BORCS7: variants seen among roughly 807,000 people sequenced by gnomAD.
BORCS7 encodes BLOC-1-related complex subunit 7.
BORCS7 carries 20 observed loss-of-function variants against 17.5 expected under a neutral mutation model. The observed-to-expected ratio is 1.14, with a 90% CI of 0.80 to 1.66. The LOEUF (loss-of-function observed/expected upper bound fraction) is 1.66, where lower values mean the gene tolerates loss of function less well. Among genes scored for constraint, BORCS7 ranks in the 40% most tolerant of loss-of-function variants. The pLI, the probability that BORCS7 is intolerant of heterozygous loss-of-function variation, is 0.00. For missense variants in BORCS7, 122 were observed against 129.7 expected (o/e 0.94, Z 0.29); for synonymous variants, 57 against 49.8 (o/e 1.14, Z -0.61).
chr10:102,860,854 T>C, intron 3 of BORCS7: 1 of 450,326 alleles, frequency 2.2e-6, no homozygotes. Flanking sequence ...ACTTGGCACC[T>C]GTGAGGCCGT....
intron 1 of BORCS7, among the ~76,000 whole-genome samples, chr10:102,857,099 C>T (rs1421552483): frequency 6.6e-6 from 1 of 152,136 alleles, no homozygotes; most frequent in Non-Finnish European, 1.5e-5. Flanking sequence ...TTTTAAGTCT[C>T]AGATTAGAAG....
intron 1 of BORCS7, among the ~76,000 whole-genome samples, chr10:102,858,794 A>T (rs1844468351): frequency 6.6e-6 from 1 of 152,190 alleles, no homozygotes; most frequent in African/African-American, 2.4e-5. Context: ...AACTTTAAAT[A>T]AAGTTGCCCT....
intron 1 of BORCS7, among the ~76,000 whole-genome samples, chr10:102,860,015 A>C (rs1293900621): frequency 7.9e-5 from 12 of 152,192 alleles, no homozygotes; most frequent in Admixed American, 7.9e-4. Context: ...TTGTGGAGCC[A>C]AAGTTTTTTT....
intron 1 of BORCS7, among the ~76,000 whole-genome samples, chr10:102,859,570 C>CT (rs570995629): frequency 0.1 from 14,129 of 136,412 alleles, 886 homozygotes; most frequent in East Asian, 0.26. Flanking sequence ...TTTTTTTTTT[C>CT]TTTTTTTTTT....
Position 102,863,555 on chromosome 10 carries a change from C to G in BORCS7, c.*631C>G, listed in dbSNP as rs1844553416. ...TTTAATATGTCAAAAGCTATATTGT[C>G]TAAATTTCAGTACTTAAGCAAATAC... On this transcript the variant is annotated 3_prime_UTR_variant, in exon 5 of 5. Transcript: ENST00000339834. 6.6e-6 allele frequency: 1 copy of G among 152,044 alleles called. No individual in the cohort carries two copies. Among genetic ancestry groups the G allele is most frequent in the Non-Finnish European group, 1.5e-5 (1 of 68,024 alleles). 9.4% of individuals were successfully genotyped at this position (152,044 alleles called of 1,614,324 possible).
rs772822661 is a variant in BORCS7, at chr10:102,854,343, G to A, written c.57G>A (p.Gly19=). The A allele has an allele frequency of 1.3e-6, 2 of 1,594,602 alleles. No individual in the cohort carries two copies. Among genetic ancestry groups the A allele is most frequent in the Non-Finnish European group, 1.7e-6 (2 of 1,170,318 alleles). Residue 19 remains glycine (G), a synonymous_variant, in exon 1 of 5, where the codon GGG becomes GGA. Coordinates refer to ENST00000339834, the MANE Select transcript of BORCS7 (RefSeq NM_001136200.2). ...CGCGGTTCGGTCAGTCCGTGAAGGG[G>A]CTTCTCACGGAGAAGGTGACCACCT... is the stretch of plus-strand genomic sequence containing the variant. ...SQARFGQSVK[G]LLTEKVTTCG...
intron 1 of BORCS7, among the ~76,000 whole-genome samples, chr10:102,856,517 T>A (rs979601571): frequency 6.6e-6 from 1 of 152,214 alleles, no homozygotes; most frequent in Non-Finnish European, 1.5e-5. Context: ...AAAAGAGGGT[T>A]GCTATTGCTA....
chr10:102,855,429 TA>T (rs1844410943), intron 1 of BORCS7, among the ~76,000 whole-genome samples: 5 of 152,166 alleles, frequency 3.3e-5, no homozygotes, highest in Admixed American at 3.3e-4. Context: ...GTGCTGGGAT[TA>T]CAGGCGTGAG....
At chr10:102,861,726 A>C (rs530271154) in intron 3 of BORCS7, among the ~76,000 whole-genome samples, 5 of 151,358 alleles carry the variant, frequency 3.3e-5, no homozygotes, top group Non-Finnish European at 5.9e-5. Flanking sequence ...TCAAAAAAAA[A>C]ACAAAAAAAC....
chr10:102,857,462 C>T (rs1443841424), intron 1 of BORCS7, among the ~76,000 whole-genome samples: 1 of 152,126 alleles, frequency 6.6e-6, no homozygotes, highest in African/African-American at 2.4e-5. Flanking sequence ...CAGGTACTCT[C>T]ATAATTGTTG....
chr10:102,862,972 G>GTAAA lies in BORCS7; in HGVS notation c.*51_*54dup. The GTAAA allele has an allele frequency of 7.0e-7, 1 of 1,437,290 alleles. No homozygotes were observed. The allele number at this position is 1,437,290 out of a possible 1,614,324, so 89.0% of individuals were successfully genotyped here. ...GGACTCCTTTGCCTAATGCTGAGGAGTAAATACCTTACACAGCTGTCCTCT... is the reference window on the plus strand; with the variant it reads ...GGACTCCTTTGCCTAATGCTGAGGAGTAAATAAATACCTTACACAGCTGTCCTCT... On this transcript the variant is annotated 3_prime_UTR_variant, in exon 5 of 5. Coordinates refer to ENST00000339834, the MANE Select transcript of BORCS7 (RefSeq NM_001136200.2).
At chr10:102,856,212 T>C (rs946973945) in intron 1 of BORCS7, among the ~76,000 whole-genome samples, 1 of 152,064 alleles carries the variant, frequency 6.6e-6, no homozygotes, top group African/African-American at 2.4e-5. Flanking sequence ...CCTCCTCCAT[T>C]TGAGTTGTGT....
chr10:102,862,902 A>C lies in BORCS7; in HGVS notation c.299A>C (p.Gln100Pro). The change falls in exon 5 of 5, where the codon CAG (glutamine) becomes CCG (proline). Residue 100 changes from glutamine to proline, a missense_variant. Transcript: ENST00000339834. ...NVEQSSDLQD[Q>P]LNHLLK ...GAACAGTCATCGGATCTACAGGACC[A>C]GTTGAATCATCTGTTGAAATAGAAT... The C allele has an allele frequency of 6.2e-7, 1 of 1,611,172 alleles. No homozygotes were observed. The highest frequency in any genetic ancestry group is 8.5e-7 in the Non-Finnish European group (1 of 1,177,226).
At chr10:102,861,553 C>T (rs1428951749) in intron 3 of BORCS7, among the ~76,000 whole-genome samples, 1 of 151,570 alleles carries the variant, frequency 6.6e-6, no homozygotes, top group African/African-American at 2.4e-5. Context: ...CCCGTCTCTA[C>T]TAAAAATACA....
rs751886778 is a variant in BORCS7, at chr10:102,862,946, A to G, written c.*22A>G. The G allele has an allele frequency of 6.9e-6, 11 of 1,591,750 alleles. No individual in the cohort carries two copies. Among genetic ancestry groups the G allele is most frequent in the Admixed American group, 6.7e-5 (4 of 59,964 alleles). ...ATAGAATGACATGTAAGAGTGCTGTAGGACTCCTTTGCCTAATGCTGAGGA... is the reference window on the plus strand; with the variant it reads ...ATAGAATGACATGTAAGAGTGCTGTGGGACTCCTTTGCCTAATGCTGAGGA... On this transcript the variant is annotated 3_prime_UTR_variant, in exon 5 of 5. Coordinates refer to ENST00000339834, the MANE Select transcript of BORCS7 (RefSeq NM_001136200.2).
intron 1 of BORCS7, among the ~76,000 whole-genome samples, chr10:102,858,373 G>A (rs1221019651): frequency 6.6e-6 from 1 of 152,104 alleles, no homozygotes. Flanking sequence ...CATGGGGCTG[G>A]GTGTAGGGGC....
intron 1 of BORCS7, among the ~76,000 whole-genome samples, chr10:102,858,174 A>ATAT (rs1204462227): frequency 3.3e-5 from 4 of 120,134 alleles, no homozygotes; most frequent in Non-Finnish European, 7.4e-5. Flanking sequence ...CAAAAAAAAA[A>ATAT]AAATATATAT....
At chr10:102,857,675 AC>A (rs1204977094) in intron 1 of BORCS7, among the ~76,000 whole-genome samples, 1 of 152,204 alleles carries the variant, frequency 6.6e-6, no homozygotes, top group African/African-American at 2.4e-5. Context: ...ACCACTACTT[AC>A]CGTGGCAAAA....
At chr10:102,862,085 A>G (rs1031947274) in intron 3 of BORCS7, 75 bp from the exon 4 acceptor site, 5 of 1,388,486 alleles carry the variant, frequency 3.6e-6, no homozygotes, top group South Asian at 2.4e-5. Context: ...TCTTCTGCCT[A>G]TATGTATTAT....
Sources: gnomAD v4.1 joint callset for allele counts (sites outside exome capture counted in the v4.1 genomes callset) on GRCh38, gnomAD v4.1.1 for gene constraint, MANE v1.5 for transcripts, NCBI Gene and HGNC (gene_info 2026-07-23, HGNC 2026-07-21) for gene names.